CEP83: variants seen among roughly 807,000 people sequenced by gnomAD.
CEP83 encodes centrosomal protein 83, also known as centrosomal protein of 83 kDa.
CEP83 carries 70 observed loss-of-function variants against 101.9 expected under a neutral mutation model. The observed-to-expected ratio is 0.69, with a 90% confidence interval of 0.57 to 0.84. The LOEUF (loss-of-function observed/expected upper bound fraction) is 0.84. CEP83 is among the 40% of genes least tolerant of loss of function. CEP83 has a pLI of 0.00. For missense variants in CEP83, 715 were observed against 787.2 expected (o/e 0.91, Z 1.10); for synonymous variants, 264 against 267.9 (o/e 0.99, Z 0.14).
intron 11 of CEP83, among the ~76,000 whole-genome samples, chr12:94,356,103 C>G (rs2060460426): frequency 6.6e-6 from 1 of 152,164 alleles, no homozygotes; most frequent in South Asian, 2.1e-4. Flanking sequence ...GGCTCGAATC[C>G]AGGTCGAAGG....
intron 14 of CEP83, among the ~76,000 whole-genome samples, chr12:94,321,278 T>A (rs1309215063): frequency 6.6e-6 from 1 of 152,196 alleles, no homozygotes; most frequent in African/African-American, 2.4e-5. Flanking sequence ...ATCGTTTTAT[T>A]GTGATTCTTA....
At chr12:94,299,051 A>T in the CEP83 span, among the ~76,000 whole-genome samples, 6,875 of 152,312 alleles carry the variant, frequency 0.045, 211 homozygotes, top group Non-Finnish European at 0.072. Flanking sequence ...CTAGAATGTT[A>T]AAAGAAATTT....
chr12:94,444,740 G>A (rs944869625), intron 1 of CEP83, among the ~76,000 whole-genome samples: 10 of 152,066 alleles, frequency 6.6e-5, no homozygotes, highest in South Asian at 2.1e-4. Context: ...GCTCATGCCC[G>A]TAATCTCAGC....
the CEP83 span, among the ~76,000 whole-genome samples, chr12:94,299,199 G>A: frequency 1.8e-4 from 28 of 152,262 alleles, no homozygotes; most frequent in Non-Finnish European, 3.4e-4. Flanking sequence ...CTCTGATTCT[G>A]TACAGAAATT....
intron 1 of CEP83, among the ~76,000 whole-genome samples, chr12:94,452,047 A>C (rs2067293484): frequency 1.3e-5 from 2 of 152,230 alleles, no homozygotes; most frequent in Admixed American, 6.5e-5. Flanking sequence ...ATATACATAC[A>C]TTAAATAAAC....
At chr12:94,412,744 C>T (rs1387470593) in intron 2 of CEP83, 153 bp from the exon 3 acceptor site, 5 of 237,992 alleles carry the variant, frequency 2.1e-5, no homozygotes, top group African/African-American at 1.1e-4. Flanking sequence ...GGCTAGAGTG[C>T]AATGGTGTGA....
At chr12:94,329,696 C>T (rs1045831663) in intron 14 of CEP83, among the ~76,000 whole-genome samples, 5 of 152,134 alleles carry the variant, frequency 3.3e-5, no homozygotes, top group African/African-American at 1.2e-4. Flanking sequence ...AAACACAGTG[C>T]AAACAAAAAT....
intron 1 of CEP83, among the ~76,000 whole-genome samples, chr12:94,452,549 A>C (rs796835951): frequency 1.1e-4 from 17 of 152,306 alleles, no homozygotes; most frequent in African/African-American, 3.6e-4. Flanking sequence ...TACATGTGAG[A>C]TAATACAATT....
At chr12:94,305,918 C>G (rs1968957296), downstream of CEP83, 1 of 152,032 alleles carries the variant, frequency 6.6e-6, no homozygotes, top group Non-Finnish European at 1.5e-5. Context: ...AACTGCACTC[C>G]ATCAAACTCA....
At chr12:94,338,708 T>C (rs2059553957) in intron 11 of CEP83, among the ~76,000 whole-genome samples, 1 of 152,078 alleles carries the variant, frequency 6.6e-6, no homozygotes, top group Non-Finnish European at 1.5e-5. Flanking sequence ...ATGAGTAAGT[T>C]GGGGGAAAAG....
chr12:94,385,508 G>C (rs1566050575), intron 6 of CEP83, among the ~76,000 whole-genome samples: 2 of 152,250 alleles, frequency 1.3e-5, no homozygotes, highest in Non-Finnish European at 2.9e-5. Context: ...AGATGTCTTT[G>C]TCTGGTTTTG....
At chr12:94,384,987 A>C (rs1465696477) in intron 6 of CEP83, among the ~76,000 whole-genome samples, 1 of 152,162 alleles carries the variant, frequency 6.6e-6, no homozygotes, top group East Asian at 1.9e-4. Context: ...TTGGGGAATT[A>C]AGTTATGAGA....
intron 6 of CEP83, among the ~76,000 whole-genome samples, chr12:94,389,170 T>C (rs1327500545): frequency 2.0e-5 from 3 of 152,180 alleles, no homozygotes; most frequent in Admixed American, 2.0e-4. Flanking sequence ...TATGTAATAA[T>C]CTTTAAACTA....
At chr12:94,405,123 A>C (rs76838025) in intron 4 of CEP83, among the ~76,000 whole-genome samples, 5,845 of 152,296 alleles carry the variant, frequency 0.038, 150 homozygotes, top group Non-Finnish European at 0.059. Context: ...TGACAACATC[A>C]AGAGTCCAAA....
chr12:94,377,666 A>T (rs2061622337), intron 7 of CEP83, among the ~76,000 whole-genome samples: 1 of 152,238 alleles, frequency 6.6e-6, no homozygotes, highest in Non-Finnish European at 1.5e-5. Flanking sequence ...GCTCTTCTGA[A>T]AATGTCACAA....
chr12:94,437,300 G>A lies in CEP83; in HGVS notation c.-154-1973C>T, dbSNP rs191140827. On this transcript the variant is annotated intron_variant, in intron 1 of 16. Coordinates refer to ENST00000397809, the MANE Select transcript of CEP83 (RefSeq NM_016122.3). ...GTGGAGGCTGCAATGAGCCAAGATC[G>A]TGCCACTGCACTCCAGCCTGGGCAA... 2.2e-3 allele frequency among the ~76,000 whole-genome samples: 331 copies of A among 151,846 alleles called. 3 individuals are homozygous for A. The highest frequency in any genetic ancestry group is 7.1e-3 in the African/African-American group (295 of 41,416).
intron 8 of CEP83, among the ~76,000 whole-genome samples, chr12:94,373,819 A>G (rs2061407619): frequency 6.6e-6 from 1 of 152,250 alleles, no homozygotes; most frequent in African/African-American, 2.4e-5. Context: ...TTTGCACTGC[A>G]AACAACCATT....
chr12:94,291,319 T>C, the CEP83 span, among the ~76,000 whole-genome samples: 1 of 152,224 alleles, frequency 6.6e-6, no homozygotes. Flanking sequence ...CACTGCACCC[T>C]TGACCTCCCA....
intron 6 of CEP83, among the ~76,000 whole-genome samples, chr12:94,394,900 T>C (rs977932180): frequency 6.6e-6 from 1 of 152,156 alleles, no homozygotes; most frequent in South Asian, 2.1e-4. Flanking sequence ...ATCAGAGAAA[T>C]GCAAATCAAA....
Sources: allele counts gnomAD v4.1 joint callset (sites outside exome capture counted in the v4.1 genomes callset), GRCh38; gene constraint gnomAD v4.1.1; transcripts MANE v1.5; gene names NCBI Gene and HGNC (gene_info 2026-07-23, HGNC 2026-07-21).